The following MMEL1 variants were observed in gnomAD, a reference collection of about 807,000 sequenced individuals.
The protein encoded by MMEL1 is membrane metallo-endopeptidase-like 1.
MMEL1 carries 98 observed loss-of-function variants against 117.1 expected under a neutral mutation model. The observed-to-expected ratio is 0.84, with a 90% CI of 0.71 to 0.99. MMEL1 has a LOEUF of 0.99. MMEL1 is among the 50% of genes least tolerant of loss of function. MMEL1 has a pLI of 0.00. For missense variants in MMEL1, 1,014 were observed against 1,049.1 expected (o/e 0.97, Z 0.46); for synonymous variants, 390 against 415.1 (o/e 0.94, Z 0.74).
In MMEL1 at chr1:2,612,190, G is replaced by A. The variant is rs777379722; in HGVS notation, c.169C>T (p.Arg57Cys). 59 of 1,573,024 alleles carry A rather than the reference G, an allele frequency of 3.8e-5. No homozygotes were observed. The highest frequency in any genetic ancestry group is 1.7e-4 in the Middle Eastern group (1 of 6,038). Residue 57 changes from arginine to cysteine, a missense_variant, in exon 3 of 24, where the codon CGC becomes TGC. Coordinates refer to ENST00000378412, the MANE Select transcript of MMEL1 (RefSeq NM_033467.4). This position sits in a 1 kb window ranked among gnomAD's most constrained non-coding sequence, Gnocchi z 5.4. ...AAGAAGCACAGCCGGCTAGCAAGGC[G>A]TGGCAGCTGCTTCCCTGGGGAGAAA... ...YADRRGKQLPRLASRLCFLQE... is the reference protein window; with the variant it reads ...YADRRGKQLPCLASRLCFLQE...
intron 2 of MMEL1, 133 bp downstream of exon 2, chr1:2,629,197 GC>G (rs1177696812): frequency 1.0e-6 from 1 of 956,910 alleles, no homozygotes; most frequent in African/African-American, 1.7e-5. Flanking sequence ...GCCCCTGGGT[GC>G]CCAGTGCAGA....
rs1644886294 is a variant in MMEL1 at position 2,598,773 on chromosome 1, C to G, written c.1059G>C (p.Leu353=). Residue 353 remains leucine (L), a synonymous_variant, in exon 12 of 24, where the codon CTG becomes CTC. Transcript: ENST00000378412. The stretch of plus-strand genomic sequence containing the variant: ...CAGAGGATAGCACAGTTTGTATGAA[C>G]AGAGTCCAGTTAAATCCCTGCAGAT... ...QFGLKGFNWT[L]FIQTVLSSVK... 2 of 1,613,672 alleles carry G rather than the reference C, an allele frequency of 1.2e-6. No individual in the cohort carries two copies. The highest frequency in any genetic ancestry group is 1.3e-5 in the African/African-American group (1 of 74,884).
At chr1:2,593,698 C>CCTCT in intron 19 of MMEL1, 116 bp downstream of exon 19, 1 of 1,376,812 alleles carries the variant, frequency 7.3e-7, no homozygotes, top group Non-Finnish European at 9.5e-7. Flanking sequence ...GAGGACCTGG[C>CCTCT]CTCGGTGTCC....
At chr1:2,631,965 C>A (rs1248738208) in intron 1 of MMEL1, among the ~76,000 whole-genome samples, 1 of 152,216 alleles carries the variant, frequency 6.6e-6, no homozygotes, top group African/African-American at 2.4e-5. Context: ...CACTCCCTGG[C>A]CCCTGGTAGC....
At chr1:2,605,507 G>C in intron 9 of MMEL1, 51 bp downstream of exon 9, 1 of 1,538,462 alleles carries the variant, frequency 6.5e-7, no homozygotes, top group South Asian at 1.1e-5. Flanking sequence ...CAGACCACGG[G>C]GTAGGGGGTG....
intron 2 of MMEL1, among the ~76,000 whole-genome samples, chr1:2,622,829 A>G (rs1406984977): frequency 2.0e-5 from 3 of 149,306 alleles, no homozygotes; most frequent in African/African-American, 7.5e-5. Context: ...GGTTGCAGTG[A>G]GCCAAAATAG....
At position 2,629,379 on chromosome 1, in the gene MMEL1, CCAGCAG is replaced by C; in HGVS notation, c.100_105del (p.Leu34_Leu35del). The C allele has an allele frequency of 1.0e-5, 16 of 1,535,896 alleles. No individual in the cohort carries two copies. Among genetic ancestry groups the C allele is most frequent in the African/African-American group, 2.8e-5 (2 of 72,546 alleles). ...CCCAAGGCCACCAGGGCAGCGGTCACCAGCAGCAGCAGCAGCAGCAGCCCCCCCTCC... is the reference window on the plus strand; with the variant it reads ...CCCAAGGCCACCAGGGCAGCGGTCACCAGCAGCAGCAGCAGCCCCCCCTCC... On this transcript the variant is annotated inframe_deletion, in exon 2 of 24. Coordinates refer to ENST00000378412, the MANE Select transcript of MMEL1 (RefSeq NM_033467.4).
chr1:2,596,083 G>C lies in MMEL1; in HGVS notation c.1426C>G (p.Arg476Gly). Residue 476 changes from arginine (R) to glycine (G), a missense_variant, in exon 15 of 24, where the codon CGG (arginine) becomes GGG (glycine). Physicochemically the swap from Arg to Gly is moderately radical, Grantham distance 125. Transcript: ENST00000378412. Reference sequence around the variant, plus strand: ...TCCAGCGTCTCCACAAACACTGTCCGCACCTTGTCAATGAGTTCTCTGACC... The same window carrying C: ...TCCAGCGTCTCCACAAACACTGTCCCCACCTTGTCAATGAGTTCTCTGACC... Reference protein sequence around the residue: ...SMVRELIDKVRTVFVETLDEL... With the variant: ...SMVRELIDKVGTVFVETLDEL... 3.1e-6 allele frequency: 5 copies of C among 1,613,978 alleles called. No homozygotes were observed. The highest frequency in any genetic ancestry group is 3.4e-6 in the Non-Finnish European group (4 of 1,179,912).
Position 2,605,538 on chromosome 1 carries a change from T to A in MMEL1, c.816+20A>T. On this transcript the variant is annotated intron_variant, in intron 9 of 23. Coordinates refer to ENST00000378412, the MANE Select transcript of MMEL1 (RefSeq NM_033467.4). Reference sequence around the variant, plus strand: ...GGGTGATGGGGGGGTCATCTGGCATTGCGGTGAGGACCCACCCACCTTCCG... The same window carrying A: ...GGGTGATGGGGGGGTCATCTGGCATAGCGGTGAGGACCCACCCACCTTCCG... The A allele has an allele frequency of 1.2e-6, 2 of 1,605,768 alleles. No homozygotes were observed. The highest frequency in any genetic ancestry group is 2.2e-5 in the South Asian group (2 of 90,716).
At chr1:2,602,334 T>TGC (rs756660713) in intron 11 of MMEL1, among the ~76,000 whole-genome samples, 3 of 152,208 alleles carry the variant, frequency 2.0e-5, no homozygotes, top group Non-Finnish European at 4.4e-5. Context: ...ACATCATAAA[T>TGC]GCATTGTAAA....
chr1:2,613,216 C>T (rs1447073349), intron 2 of MMEL1, among the ~76,000 whole-genome samples: 1 of 152,304 alleles, frequency 6.6e-6, no homozygotes, highest in South Asian at 2.1e-4. Context: ...CTGCATACAC[C>T]GAGGTAAAGT....
At chr1:2,607,264 C>T (rs1645044406) in intron 6 of MMEL1, among the ~76,000 whole-genome samples, 195 bp from the exon 7 acceptor site, 1 of 152,250 alleles carries the variant, frequency 6.6e-6, no homozygotes, top group Admixed American at 6.5e-5. Flanking sequence ...GGCAGCTCTG[C>T]AGCGCAGGAG....
chr1:2,603,852 C>T, intron 11 of MMEL1, 32 bp downstream of exon 11: 1 of 1,603,670 alleles, frequency 6.2e-7, no homozygotes, highest in South Asian at 1.1e-5. Context: ...TCCACCCGGC[C>T]AGTGCCGGCC....
intron 11 of MMEL1, among the ~76,000 whole-genome samples, chr1:2,600,870 T>A (rs1027124592): frequency 1.3e-5 from 2 of 152,222 alleles, no homozygotes; most frequent in African/African-American, 4.8e-5. Context: ...CTATTTATAG[T>A]AGAAAACCAA....
rs747478228 is a variant in MMEL1, at chr1:2,603,968, C to T, written c.957G>A (p.Thr319=). ...LELETQLAKA[T]VPQEERHDVI... ...CGTCGTGTCTCTCCTCCTGGGGTACCGTGGCCTGTGCCGGGGATAGCAGTC... is the reference window on the plus strand; with the variant it reads ...CGTCGTGTCTCTCCTCCTGGGGTACTGTGGCCTGTGCCGGGGATAGCAGTC... Residue 319 remains threonine (T), a synonymous_variant, in exon 11 of 24, where the codon ACG becomes ACA. Transcript: ENST00000378412. 5.9e-5 allele frequency: 96 copies of T among 1,613,574 alleles called. 1 individual carries two copies. The South Asian group carries it at 9.8e-4, about 16-fold the overall frequency.
chr1:2,625,559 G>A (rs1263081090), intron 2 of MMEL1, among the ~76,000 whole-genome samples: 4 of 152,194 alleles, frequency 2.6e-5, no homozygotes, highest in South Asian at 4.1e-4. Flanking sequence ...GAGCCCTCTA[G>A]GATTTTGGAG....
chr1:2,627,451 G>A (rs1638328680), intron 2 of MMEL1, among the ~76,000 whole-genome samples: 1 of 152,120 alleles, frequency 6.6e-6, no homozygotes, highest in African/African-American at 2.4e-5. Flanking sequence ...TGATCTAGTG[G>A]ATGTAGATAG....
intron 11 of MMEL1, among the ~76,000 whole-genome samples, chr1:2,600,479 G>T (rs939441674): frequency 2.0e-5 from 3 of 151,986 alleles, no homozygotes; most frequent in Admixed American, 2.0e-4. Flanking sequence ...CGGGAGGACT[G>T]CTTGAGCACA....
Position 2,607,087 on chromosome 1 carries a change from G to T in MMEL1, c.536-18C>A, listed in dbSNP as rs565812964. 3.9e-5 allele frequency: 62 copies of T among 1,603,760 alleles called. No homozygotes were observed. The East Asian group carries it at 1.3e-3, about 33-fold the overall frequency. On this transcript the variant is annotated intron_variant, in intron 6 of 23. Coordinates refer to ENST00000378412, the MANE Select transcript of MMEL1 (RefSeq NM_033467.4). Reference sequence around the variant, plus strand: ...TATCACACCTGAGAAGGGACGCAGTGGTCACTCTCCCAGCCTCCCTGTGGC... The same window carrying T: ...TATCACACCTGAGAAGGGACGCAGTTGTCACTCTCCCAGCCTCCCTGTGGC...
Sources: allele counts gnomAD v4.1 joint callset (sites outside exome capture counted in the v4.1 genomes callset), GRCh38; gene constraint gnomAD v4.1.1; non-coding constraint Gnocchi (gnomAD v3.1); transcripts MANE v1.5; gene names NCBI Gene and HGNC (gene_info 2026-07-23, HGNC 2026-07-21).